Variants in ST13 observed in about 807,000 individuals in gnomAD.
ST13 encodes hsc70-interacting protein.
In ST13, 23 loss-of-function variants were observed where a neutral mutation model predicts 56.7. The observed-to-expected ratio is 0.41, with a 90% CI of 0.29 to 0.57. ST13 has a LOEUF of 0.57. Among genes scored for constraint, ST13 ranks in the 20% least tolerant of loss-of-function variants. The pLI is 0.36. For missense variants in ST13, 369 were observed against 459.9 expected, an observed-to-expected ratio of 0.80 and a Z score of 1.81; for synonymous variants, 132 against 142.4, an observed-to-expected ratio of 0.93 and a Z score of 0.52.
intron 3 of ST13, among the ~76,000 whole-genome samples, chr22:40,846,777 G>A (rs1275095021): frequency 2.0e-5 from 3 of 152,158 alleles, no homozygotes; most frequent in Non-Finnish European, 2.9e-5. Context: ...CAGATCACCC[G>A]AGGTCAGGAG....
intron 5 of ST13, among the ~76,000 whole-genome samples, chr22:40,836,489 C>T (rs1483732424): frequency 6.6e-6 from 1 of 151,898 alleles, no homozygotes; most frequent in Non-Finnish European, 1.5e-5. Flanking sequence ...AAGATAAAAT[C>T]AATTTAAAGG....
chr22:40,829,749 A>C, intron 9 of ST13, 75 bp from the exon 10 acceptor site: 1 of 762,642 alleles, frequency 1.3e-6, no homozygotes, highest in Non-Finnish European at 1.9e-6. Flanking sequence ...TCCATGCAAG[A>C]CCATGAAAAA....
chr22:40,831,328 T>C (rs2057752912), intron 8 of ST13, among the ~76,000 whole-genome samples: 4 of 152,202 alleles, frequency 2.6e-5, no homozygotes, highest in Admixed American at 2.6e-4. Context: ...TTATTACGGA[T>C]GTCTGCCGTG....
intron 3 of ST13, 135 bp from the exon 4 acceptor site, chr22:40,845,044 C>T (rs544935609): frequency 4.3e-5 from 26 of 610,070 alleles, no homozygotes; most frequent in Non-Finnish European, 6.6e-5. Context: ...AAAATATGTT[C>T]CCATTAAACA....
At chr22:40,829,514 C>A in intron 10 of ST13, 112 bp downstream of exon 10, 1 of 471,478 alleles carries the variant, frequency 2.1e-6, no homozygotes, top group South Asian at 1.0e-4. Flanking sequence ...TCATGAATAT[C>A]ACTGTATAAG....
chr22:40,831,081 A>T, intron 8 of ST13, 125 bp from the exon 9 acceptor site: 1 of 687,718 alleles, frequency 1.5e-6, no homozygotes, highest in Non-Finnish European at 2.4e-6. Context: ...TTTGTCTTGT[A>T]CAAAAAGACC....
At chr22:40,844,970 AGAT>A in intron 3 of ST13, 61 bp from the exon 4 acceptor site, 1 of 1,210,284 alleles carries the variant, frequency 8.3e-7, no homozygotes, top group Non-Finnish European at 1.2e-6. Context: ...GCCACTCCCA[AGAT>A]TATTAAAAAC....
At chr22:40,832,522 G>C in intron 8 of ST13, 47 bp downstream of exon 8, 1 of 1,371,458 alleles carries the variant, frequency 7.3e-7, no homozygotes, top group Non-Finnish European at 1.0e-6. Flanking sequence ...GCACTACAGC[G>C]ATGGAGTATT....
At chr22:40,834,819 A>G (rs1270092673) in intron 7 of ST13, among the ~76,000 whole-genome samples, 1 of 152,272 alleles carries the variant, frequency 6.6e-6, no homozygotes, top group African/African-American at 2.4e-5. Flanking sequence ...CACAGCATTA[A>G]TAAATTTTAT....
At chr22:40,836,793 G>C (rs2057779578) in intron 5 of ST13, among the ~76,000 whole-genome samples, 1 of 152,162 alleles carries the variant, frequency 6.6e-6, no homozygotes, top group Non-Finnish European at 1.5e-5. Context: ...AGAATCAGAA[G>C]AGTTCTTTGC....
intron 6 of ST13, 45 bp downstream of exon 6, chr22:40,835,758 C>A (rs563410348): frequency 1.4e-5 from 22 of 1,601,248 alleles, no homozygotes; most frequent in Non-Finnish European, 1.9e-5. Context: ...AACAAATGTG[C>A]AGAAATTATT....
intron 4 of ST13, among the ~76,000 whole-genome samples, chr22:40,843,361 C>G (rs2057813921): frequency 6.6e-6 from 1 of 151,958 alleles, no homozygotes; most frequent in Non-Finnish European, 1.5e-5. Flanking sequence ...AACAAAAAGC[C>G]AAGAACAGCC....
At chr22:40,851,836 C>G (rs1343140089) in intron 1 of ST13, among the ~76,000 whole-genome samples, 2 of 151,778 alleles carry the variant, frequency 1.3e-5, no homozygotes, top group Non-Finnish European at 2.9e-5. Context: ...ACCTCCACCT[C>G]CTGGGTTCAA....
Position 40,856,483 on chromosome 22 carries a change from G to C in ST13, c.58C>G (p.Pro20Ala). The change falls in exon 1 of 12, where the codon CCG becomes GCG. Residue 20 changes from proline to alanine, a missense_variant. Coordinates refer to ENST00000216218, the MANE Select transcript of ST13 (RefSeq NM_003932.5). ...ATTTCCTCGGTGTGCAGAACGCTCG[G>C]ATCCTGCTTACACATTTTCACAAAG... is the stretch of plus-strand genomic sequence containing the variant. ...RAFVKMCKQDPSVLHTEEMRF... is the reference protein window; with the variant it reads ...RAFVKMCKQDASVLHTEEMRF... The C allele has an allele frequency of 6.2e-7, 1 of 1,613,534 alleles. No individual in the cohort carries two copies. The highest frequency in any genetic ancestry group is 2.2e-5 in the East Asian group (1 of 44,862).
In ST13 at chr22:40,848,387, A is replaced by C. The variant is rs1176688227; in HGVS notation, c.169-18T>G. On this transcript the variant is annotated intron_variant, in intron 2 of 11. Transcript: ENST00000216218. ...TTTTCTTCCTAGCAAAGGGAAGACAAACAGTACTATCAGTATTTAATAACA... is the reference window on the plus strand; with the variant it reads ...TTTTCTTCCTAGCAAAGGGAAGACACACAGTACTATCAGTATTTAATAACA... 1 of 1,484,396 alleles carries C rather than the reference A, an allele frequency of 6.7e-7. No homozygotes were observed. Among genetic ancestry groups the C allele is most frequent in the Admixed American group, 1.7e-5 (1 of 59,846 alleles). The allele number at this position is 1,484,396 out of a possible 1,614,324, so 92.0% of individuals were successfully genotyped here.
chr22:40,850,309 C>T (rs1394125622), intron 2 of ST13, among the ~76,000 whole-genome samples: 4 of 152,100 alleles, frequency 2.6e-5, no homozygotes, highest in Non-Finnish European at 4.4e-5. Flanking sequence ...CATGTATGTT[C>T]CCCTTCATCT....
intron 8 of ST13, among the ~76,000 whole-genome samples, chr22:40,831,324 C>T (rs538225510): frequency 5.8e-4 from 89 of 152,250 alleles, no homozygotes; most frequent in Non-Finnish European, 1.0e-3. Context: ...AGTATTATTA[C>T]GGATGTCTGC....
chr22:40,831,016 A>C, intron 8 of ST13, 60 bp from the exon 9 acceptor site: 2 of 1,068,104 alleles, frequency 1.9e-6, no homozygotes, highest in Non-Finnish European at 2.8e-6. Flanking sequence ...CATCAACACA[A>C]ATATTCTTTG....
chr22:40,838,612 A>G lies in ST13; in HGVS notation c.382+2014T>C, dbSNP rs547039459. On this transcript the variant is annotated intron_variant, in intron 5 of 11. Coordinates refer to ENST00000216218, the MANE Select transcript of ST13 (RefSeq NM_003932.5). ...CCCTATCTCTACCAAAAAAAAAAAA[A>G]AGAGATAATAATTAGCCAGGCATGG... Among the ~76,000 whole-genome samples, 223 of 152,024 alleles carry G rather than the reference A, an allele frequency of 1.5e-3. 1 individual carries two copies. Among genetic ancestry groups the G allele is most frequent in the Non-Finnish European group, 2.0e-3 (138 of 67,998 alleles).
Sources: allele counts gnomAD v4.1 joint callset (sites outside exome capture counted in the v4.1 genomes callset), GRCh38; gene constraint gnomAD v4.1.1; transcripts MANE v1.5; gene names NCBI Gene and HGNC (gene_info 2026-07-23, HGNC 2026-07-21).